USH2A: variants seen among roughly 807,000 people sequenced by gnomAD.
The protein encoded by USH2A is usherin.
In USH2A, 443 loss-of-function variants were observed where a neutral mutation model predicts 538.9. The ratio of observed to expected loss-of-function variants is 0.82; its 90% confidence interval spans 0.76 to 0.89. The LOEUF is 0.89. Among genes scored for constraint, USH2A ranks in the 40% least tolerant of loss-of-function variants. The pLI is 0.00. For synonymous variants in USH2A, 2,413 were observed against 2,273.5 expected, an observed-to-expected ratio of 1.06 and a Z score of -1.75; for missense variants, 6,633 against 6,324.8, an observed-to-expected ratio of 1.05 and a Z score of -1.65.
At chr1:216,273,612 C>T (rs1280886231) in intron 11 of USH2A, among the ~76,000 whole-genome samples, 1 of 151,830 alleles carries the variant, frequency 6.6e-6, no homozygotes. Flanking sequence ...ATGCACAGTG[C>T]CTGGTATATA....
At chr1:215,840,930 C>T (rs1402070072) in intron 46 of USH2A, among the ~76,000 whole-genome samples, 2 of 152,130 alleles carry the variant, frequency 1.3e-5, no homozygotes, top group Admixed American at 1.3e-4. Context: ...TACATGGACT[C>T]ACCATAAGAA....
intron 38 of USH2A, among the ~76,000 whole-genome samples, chr1:215,902,427 C>G (rs1012366568): frequency 2.6e-5 from 4 of 152,058 alleles, no homozygotes; most frequent in African/African-American, 7.2e-5. Context: ...TATTAAGGCT[C>G]CACTCTGTGC....
At chr1:215,816,053 C>T (rs150359072) in intron 48 of USH2A, among the ~76,000 whole-genome samples, 180 of 152,056 alleles carry the variant, frequency 1.2e-3, no homozygotes, top group African/African-American at 4.0e-3. Flanking sequence ...AAGTGAATTC[C>T]GTATTTTGCC....
At chr1:215,817,629 G>A (rs1470312736) in intron 47 of USH2A, among the ~76,000 whole-genome samples, 1 of 151,954 alleles carries the variant, frequency 6.6e-6, no homozygotes, top group Non-Finnish European at 1.5e-5. Context: ...ACCATGATGG[G>A]ACTCCTATGG....
At position 216,082,113 on chromosome 1, in the gene USH2A, A is replaced by T. The variant is rs118177113; in HGVS notation, c.5298+1343T>A. On this transcript the variant is annotated intron_variant, in intron 26 of 71. Coordinates refer to ENST00000307340, the MANE Select transcript of USH2A (RefSeq NM_206933.4). ...AGTGTATGCACATGTAGATGACTCA[A>T]CGATGCTCAGTGAAGGTCACCACAG... Among the ~76,000 whole-genome samples, 48 of 152,234 alleles carry T rather than the reference A, an allele frequency of 3.2e-4. No homozygotes were observed. In the East Asian group the frequency reaches 8.7e-3, roughly 28 times the overall value.
At chr1:215,908,723 A>C (rs2102476975) in intron 38 of USH2A, among the ~76,000 whole-genome samples, 2 of 151,964 alleles carry the variant, frequency 1.3e-5, no homozygotes, top group South Asian at 4.1e-4. Context: ...CTTTTCAAAT[A>C]ATTGCATGTA....
intron 21 of USH2A, among the ~76,000 whole-genome samples, chr1:216,144,339 G>T (rs898554346): frequency 6.6e-6 from 1 of 151,806 alleles, no homozygotes; most frequent in Non-Finnish European, 1.5e-5. Context: ...GGACTGCAGG[G>T]TTTTTTGCTT....
At chr1:215,849,957 A>G (rs1663972626) in intron 44 of USH2A, among the ~76,000 whole-genome samples, 1 of 148,110 alleles carries the variant, frequency 6.8e-6, no homozygotes, top group African/African-American at 2.5e-5. Flanking sequence ...ATCACCAAAC[A>G]TTTAGAGAAC....
intron 32 of USH2A, among the ~76,000 whole-genome samples, chr1:216,046,006 GGT>G (rs59426829): frequency 0.098 from 13,453 of 137,564 alleles, 667 homozygotes; most frequent in Non-Finnish European, 0.11. Context: ...CTATTTATCT[GGT>G]GTGTGTGTGT....
At chr1:216,239,223 C>G (rs944090264) in intron 13 of USH2A, among the ~76,000 whole-genome samples, 11 of 152,046 alleles carry the variant, frequency 7.2e-5, no homozygotes, top group African/African-American at 2.7e-4. Context: ...TGAATATGTG[C>G]AGACTATATC....
chr1:215,857,719 G>A (rs1416178528), intron 44 of USH2A, among the ~76,000 whole-genome samples: 2 of 152,176 alleles, frequency 1.3e-5, no homozygotes, highest in Non-Finnish European at 2.9e-5. Flanking sequence ...GACCCTGACT[G>A]CAGATTCTCC....
chr1:215,891,752 A>C (rs558502990), intron 40 of USH2A, among the ~76,000 whole-genome samples: 1 of 152,152 alleles, frequency 6.6e-6, no homozygotes, highest in Non-Finnish European at 1.5e-5. Context: ...CTGTAAAATC[A>C]ATGTGGAGTA....
In USH2A at chr1:216,246,704, C is replaced by A. The variant is rs779249770; in HGVS notation, c.2690G>T (p.Cys897Phe). The change falls in exon 13 of 72, where the codon TGC becomes TTC. Residue 897 changes from cysteine (C) to phenylalanine (F), a missense_variant. Cys to Phe is a radical substitution (Grantham distance 205). Transcript: ENST00000307340. ...CAAGGAATCACACTCACACATCTGGCAGTGTTGAAAATTGTCAATGGTCAA... is the reference window on the plus strand; with the variant it reads ...CAAGGAATCACACTCACACATCTGGAAGTGTTGAAAATTGTCAATGGTCAA... ...YNLTIDNFQH[C>F]QMCECDSLGT... 1 of 1,613,988 alleles carries A rather than the reference C, an allele frequency of 6.2e-7. No homozygotes were observed. The highest frequency in any genetic ancestry group is 1.3e-5 in the African/African-American group (1 of 74,908).
chr1:216,398,747 A>C (rs942389150), intron 3 of USH2A, among the ~76,000 whole-genome samples: 1 of 152,198 alleles, frequency 6.6e-6, no homozygotes, highest in Non-Finnish European at 1.5e-5. Context: ...TGGCAGAAGC[A>C]GTCAGTGTTC....
intron 4 of USH2A, 67 bp from the exon 5 acceptor site, chr1:216,327,721 TAA>T: frequency 6.4e-7 from 1 of 1,554,060 alleles, no homozygotes. Context: ...GACAAGTATT[TAA>T]GTGATATTCC....
At chr1:216,149,432 T>C (rs1483209530) in intron 21 of USH2A, among the ~76,000 whole-genome samples, 1 of 152,100 alleles carries the variant, frequency 6.6e-6, no homozygotes, top group African/African-American at 2.4e-5. Context: ...CCGTCCTCAA[T>C]CTTCAGGAAA....
At chr1:216,142,625 T>C (rs533238687) in intron 21 of USH2A, among the ~76,000 whole-genome samples, 40 of 152,312 alleles carry the variant, frequency 2.6e-4, no homozygotes, top group African/African-American at 9.6e-4. Flanking sequence ...AACTAGCTGA[T>C]ACACTCTCTC....
intron 49 of USH2A, 97 bp from the exon 50 acceptor site, chr1:215,799,222 T>A: frequency 7.5e-7 from 1 of 1,324,850 alleles, no homozygotes; most frequent in Non-Finnish European, 1.1e-6. Flanking sequence ...AGATCCCAAC[T>A]GATTGACAGA....
rs753640827 is a variant in USH2A, at chr1:215,888,524, T to G, written c.8125A>C (p.Thr2709Pro). The stretch of plus-strand genomic sequence containing the variant: ...ACTTCTACCCAAGCACTGCTGTTTG[T>G]GCCTCCATGAAGAGTGCTCATCAGT... ...RVLMSTLHGG[T>P]NSSAWVEVTT... Residue 2709 changes from threonine (T) to proline (P), a missense_variant, in exon 41 of 72, where the codon ACA becomes CCA. Physicochemically the swap from Thr to Pro is conservative, Grantham distance 38 (BLOSUM62 -1). Coordinates refer to ENST00000307340, the MANE Select transcript of USH2A (RefSeq NM_206933.4). The G allele has an allele frequency of 5.0e-6, 8 of 1,614,062 alleles. No homozygotes were observed. The highest frequency in any genetic ancestry group is 6.8e-6 in the Non-Finnish European group (8 of 1,180,026).
Sources: gnomAD v4.1 joint callset for allele counts (sites outside exome capture counted in the v4.1 genomes callset) on GRCh38, gnomAD v4.1.1 for gene constraint, MANE v1.5 for transcripts, NCBI Gene and HGNC (gene_info 2026-07-23, HGNC 2026-07-21) for gene names.